Variants in SRGAP3 observed in about 807,000 individuals in gnomAD.
SRGAP3 encodes the protein SLIT-ROBO Rho GTPase activating protein 3, also known as SLIT-ROBO Rho GTPase-activating protein 3.
SRGAP3 carries 39 observed loss-of-function variants against 121.1 expected under a neutral mutation model. The ratio of observed to expected loss-of-function variants is 0.32; its 90% CI spans 0.25 to 0.42. SRGAP3 has a LOEUF of 0.42. Among genes scored for constraint, SRGAP3 ranks in the 10% least tolerant of loss-of-function variants. The pLI is 1.00. For synonymous variants in SRGAP3, 601 were observed against 570.0 expected (o/e 1.05, Z -0.77); for missense variants, 1,213 against 1,470.6 (o/e 0.82, Z 2.86).
intron 3 of SRGAP3, among the ~76,000 whole-genome samples, chr3:9,264,840 T>C (rs753410128): frequency 9.9e-5 from 15 of 152,154 alleles, no homozygotes; most frequent in African/African-American, 2.7e-4. Flanking sequence ...CAAGCTACCA[T>C]TGACTTTCTT....
chr3:9,012,064 A>G (rs1943405563), intron 17 of SRGAP3, among the ~76,000 whole-genome samples: 1 of 152,218 alleles, frequency 6.6e-6, no homozygotes, highest in African/African-American at 2.4e-5. Context: ...TGTTTCTGTT[A>G]CAGAACAGGG....
At chr3:9,265,590 A>T (rs1241846610) in intron 3 of SRGAP3, among the ~76,000 whole-genome samples, 1 of 152,194 alleles carries the variant, frequency 6.6e-6, no homozygotes, top group Non-Finnish European at 1.5e-5. Context: ...AAAAGAAGAC[A>T]TTTATGCGGC....
intron 3 of SRGAP3, among the ~76,000 whole-genome samples, chr3:9,297,453 T>A (rs572567172): frequency 6.6e-6 from 1 of 152,182 alleles, no homozygotes; most frequent in South Asian, 2.1e-4. Context: ...TAGGCTGAAT[T>A]GTGTGTCTCC....
At chr3:9,305,132 G>A (rs1323398396) in intron 3 of SRGAP3, among the ~76,000 whole-genome samples, 2 of 152,160 alleles carry the variant, frequency 1.3e-5, no homozygotes, top group African/African-American at 4.8e-5. Context: ...AAGGAGTGAG[G>A]GAATAGGAGC....
chr3:9,095,338 T>C (rs987431977), intron 3 of SRGAP3, among the ~76,000 whole-genome samples: 6 of 152,116 alleles, frequency 3.9e-5, no homozygotes, highest in African/African-American at 1.4e-4. Context: ...ATGTTTTCTT[T>C]AAGCAGCCTT....
intron 2 of SRGAP3, among the ~76,000 whole-genome samples, chr3:9,123,732 A>ATATGTGTGTGTGTGTGTG (rs1949109706): frequency 2.2e-5 from 3 of 139,074 alleles, no homozygotes; most frequent in African/African-American, 8.6e-5. Context: ...ATATGTATAT[A>ATATGTGTGTGTGTGTGTG]TGTGTGTGTG....
intron 3 of SRGAP3, among the ~76,000 whole-genome samples, chr3:9,281,637 C>T (rs1004810457): frequency 2.6e-5 from 4 of 152,046 alleles, no homozygotes; most frequent in East Asian, 1.9e-4. Context: ...GTGTAATTAG[C>T]GCACAATACG....
chr3:9,008,789 C>T (rs1574897235), intron 18 of SRGAP3, among the ~76,000 whole-genome samples: 1 of 152,120 alleles, frequency 6.6e-6, no homozygotes, highest in African/African-American at 2.4e-5. Flanking sequence ...GACCCATTAG[C>T]TCCCTCTCAG....
chr3:9,249,764 G>T, upstream of SRGAP3: 1 of 214,812 alleles, frequency 4.7e-6, no homozygotes, highest in Non-Finnish European at 9.4e-6. Context: ...CTCACTGCAA[G>T]CAAAAAGGGG....
intron 1 of SRGAP3, among the ~76,000 whole-genome samples, chr3:9,125,801 G>A (rs1949201144): frequency 6.6e-6 from 1 of 152,196 alleles, no homozygotes; most frequent in African/African-American, 2.4e-5. Flanking sequence ...AAAGCACTCT[G>A]CTCACACCAG....
At chr3:9,079,440 C>G (rs555401525) in intron 4 of SRGAP3, among the ~76,000 whole-genome samples, 1 of 152,166 alleles carries the variant, frequency 6.6e-6, no homozygotes, top group Non-Finnish European at 1.5e-5. Flanking sequence ...AAACTCATCT[C>G]AAGCACAGTT....
intron 3 of SRGAP3, among the ~76,000 whole-genome samples, chr3:9,297,241 T>C (rs1471557437): frequency 1.1e-4 from 16 of 152,168 alleles, no homozygotes; most frequent in Admixed American, 9.8e-4. Context: ...GAAAGAGCTA[T>C]GTCCTAAATA....
At chr3:9,014,500 C>T (rs1389561311) in intron 15 of SRGAP3, among the ~76,000 whole-genome samples, 1 of 152,166 alleles carries the variant, frequency 6.6e-6, no homozygotes, top group Non-Finnish European at 1.5e-5. Flanking sequence ...CATCTCTGAC[C>T]CCTGTTTCCA....
At chr3:9,265,805 A>G (rs1240610724) in intron 3 of SRGAP3, among the ~76,000 whole-genome samples, 1 of 152,092 alleles carries the variant, frequency 6.6e-6, no homozygotes, top group East Asian at 2.0e-4. Context: ...ATTGTGGAAG[A>G]CAGTGTGGCG....
chr3:9,130,273 C>G (rs1336649873), intron 1 of SRGAP3, among the ~76,000 whole-genome samples: 1 of 152,158 alleles, frequency 6.6e-6, no homozygotes, highest in Non-Finnish European at 1.5e-5. Flanking sequence ...GAAACCAAGG[C>G]TTTACGTAAA....
At chr3:9,077,233 T>G (rs1947016778) in intron 4 of SRGAP3, among the ~76,000 whole-genome samples, 1 of 148,820 alleles carries the variant, frequency 6.7e-6, no homozygotes, top group African/African-American at 2.5e-5. Flanking sequence ...CATCCCTCCC[T>G]CCTCCCTCCT....
chr3:9,271,176 G>A (rs1425974797), intron 3 of SRGAP3, among the ~76,000 whole-genome samples: 2 of 152,104 alleles, frequency 1.3e-5, no homozygotes, highest in African/African-American at 4.8e-5. Context: ...CTACCTGAAA[G>A]TACAAAACTT....
At chr3:9,313,695 A>T (rs1955291276) in intron 3 of SRGAP3, among the ~76,000 whole-genome samples, 1 of 148,240 alleles carries the variant, frequency 6.7e-6, no homozygotes, top group African/African-American at 2.5e-5. Context: ...AAAAAGAAAA[A>T]AGAAAATAGC....
intron 1 of SRGAP3, among the ~76,000 whole-genome samples, chr3:9,340,462 G>A (rs948766032): frequency 1.3e-5 from 2 of 152,172 alleles, no homozygotes; most frequent in Non-Finnish European, 2.9e-5. Context: ...AAGAGTCTAA[G>A]CATTATTAAC....
Sources: gnomAD v4.1 joint callset for allele counts (sites outside exome capture counted in the v4.1 genomes callset) on GRCh38, gnomAD v4.1.1 for gene constraint, MANE v1.5 for transcripts, NCBI Gene and HGNC (gene_info 2026-07-23, HGNC 2026-07-21) for gene names.